Variants in POLD3 observed in about 807,000 individuals in gnomAD.
POLD3 encodes DNA polymerase delta subunit 3.
A neutral mutation model predicts 58.2 loss-of-function variants in POLD3; 19 were observed. That is an observed-to-expected ratio of 0.33 (90% confidence interval 0.23 to 0.48). POLD3 has a LOEUF of 0.48. Ranked by LOEUF, POLD3 falls within the 20% of genes least tolerant of loss-of-function variation. The pLI, the probability that POLD3 is intolerant of heterozygous loss-of-function variation, is 0.99. For synonymous variants in POLD3, 172 were observed against 193.5 expected (o/e 0.89, Z 0.92); for missense variants, 504 against 545.5 (o/e 0.92, Z 0.76).
At chr11:74,600,467 A>C (rs942244188) in intron 2 of POLD3, among the ~76,000 whole-genome samples, 1 of 151,668 alleles carries the variant, frequency 6.6e-6, no homozygotes, top group African/African-American at 2.4e-5. Flanking sequence ...GGCGCTACTG[A>C]AATACAAAAA....
chr11:74,619,980 G>A (rs1366300700), intron 6 of POLD3, 37 bp from the exon 7 acceptor site: 1 of 1,558,100 alleles, frequency 6.4e-7, no homozygotes, highest in Non-Finnish European at 8.9e-7. Context: ...CAGCCTAAAT[G>A]CCAGCAAAAA....
intron 4 of POLD3, among the ~76,000 whole-genome samples, chr11:74,662,604 C>A (rs1329674014): frequency 1.3e-5 from 2 of 151,902 alleles, no homozygotes; most frequent in Non-Finnish European, 2.9e-5. Flanking sequence ...CAGAAGGAAG[C>A]AGTCACTTTC....
chr11:74,655,224 C>G (rs765715416), intron 4 of POLD3, among the ~76,000 whole-genome samples: 6 of 152,240 alleles, frequency 3.9e-5, no homozygotes, highest in Non-Finnish European at 8.8e-5. Flanking sequence ...CACTAAGCAA[C>G]ACTGACATGG....
intron 4 of POLD3, among the ~76,000 whole-genome samples, chr11:74,659,462 A>C (rs2033179183): frequency 6.6e-6 from 1 of 152,080 alleles, no homozygotes. Flanking sequence ...GCCAGCTTGA[A>C]TTTCTCCCCA....
At position 74,653,985 on chromosome 11, in the gene POLD3, C is replaced by T. The variant is rs1028188718; in HGVS notation, c.370-14792C>T. On this transcript the variant is annotated intron_variant, in intron 4 of 4. Coordinates refer to the POLD3 transcript ENST00000524752. The stretch of plus-strand genomic sequence containing the variant: ...GAACAGGCATGTCACATGGCCAGAG[C>T]AGGAGCAAGAGAAAGAAGGGGAGGG... Among the ~76,000 whole-genome samples, 10 of 152,186 alleles carry T rather than the reference C, an allele frequency of 6.6e-5. No homozygotes were observed. In the South Asian group the frequency reaches 2.1e-3, roughly 32 times the overall value.
intron 4 of POLD3, among the ~76,000 whole-genome samples, chr11:74,664,672 TA>T (rs967896883): frequency 9.9e-5 from 15 of 152,160 alleles, no homozygotes; most frequent in African/African-American, 3.6e-4. Flanking sequence ...CAGTGACATA[TA>T]AAAAGGATTT....
intron 10 of POLD3, among the ~76,000 whole-genome samples, chr11:74,635,777 G>A (rs545327545): frequency 1.2e-4 from 19 of 152,174 alleles, no homozygotes; most frequent in Non-Finnish European, 2.8e-4. Context: ...TCCCTGGTGT[G>A]GTTTAGGGGC....
chr11:74,645,769 T>G (rs1402719042), downstream of POLD3, among the ~76,000 whole-genome samples: 1 of 152,140 alleles, frequency 6.6e-6, no homozygotes, highest in Admixed American at 6.6e-5. Context: ...TTTATTCCCA[T>G]TTTGCACATG....
In POLD3 at chr11:74,629,299, G is replaced by A. The variant is rs2032520901; in HGVS notation, c.982G>A (p.Glu328Lys). The change falls in exon 9 of 12, where the codon GAA becomes AAA. Residue 328 changes from glutamate (E) to lysine (K), a missense_variant. Glu to Lys is a moderately conservative substitution (Grantham distance 56, BLOSUM62 1). This residue lies in a region of POLD3 where 385 missense variants were observed against 370.5 expected (regional missense o/e 1.04). Coordinates refer to ENST00000263681, the MANE Select transcript of POLD3 (RefSeq NM_006591.3). The part of the protein sequence containing the change: ...RKKRRRIKLP[E>K]SDSSEDEVFP... Reference sequence around the variant, plus strand: ...AAAGAGGAGAAGAATCAAACTTCCTGAATCTGATAGCAGTGAAGATGAAGG... The same window carrying A: ...AAAGAGGAGAAGAATCAAACTTCCTAAATCTGATAGCAGTGAAGATGAAGG... The A allele has an allele frequency of 6.2e-7, 1 of 1,604,358 alleles. No individual in the cohort carries two copies. Among genetic ancestry groups the A allele is most frequent in the Non-Finnish European group, 8.5e-7 (1 of 1,172,912 alleles).
intron 9 of POLD3, among the ~76,000 whole-genome samples, chr11:74,632,877 T>TACACACACACACACACACACACACACAC (rs71036003): frequency 1.7e-4 from 20 of 115,766 alleles, no homozygotes; most frequent in East Asian, 5.2e-4. Context: ...TTTAAGTAAA[T>TACACACACACACACACACACACACACAC]ACACACACAC....
chr11:74,605,844 G>A (rs2031655562), intron 3 of POLD3, among the ~76,000 whole-genome samples: 1 of 152,194 alleles, frequency 6.6e-6, no homozygotes, highest in Admixed American at 6.5e-5. Flanking sequence ...AGCCCTTTGG[G>A]AAGCTGGGTT....
At chr11:74,650,109 A>T (rs1217566886) in intron 4 of POLD3, among the ~76,000 whole-genome samples, 1 of 152,168 alleles carries the variant, frequency 6.6e-6, no homozygotes, top group East Asian at 1.9e-4. Flanking sequence ...TAAAGTGCCC[A>T]GTTTATAGTG....
At chr11:74,647,988 G>A (rs1215030169), downstream of POLD3, among the ~76,000 whole-genome samples, 1 of 152,156 alleles carries the variant, frequency 6.6e-6, no homozygotes, top group Non-Finnish European at 1.5e-5. Flanking sequence ...CATGAAGACA[G>A]GAAGGCTCGG....
At chr11:74,637,042 G>C (rs2032769261) in intron 11 of POLD3, among the ~76,000 whole-genome samples, 1 of 152,176 alleles carries the variant, frequency 6.6e-6, no homozygotes, top group South Asian at 2.1e-4. Flanking sequence ...GAAAAGAGTT[G>C]TGGGTTTAGG....
intron 4 of POLD3, among the ~76,000 whole-genome samples, chr11:74,655,236 C>T (rs952454123): frequency 4.6e-5 from 7 of 152,242 alleles, no homozygotes; most frequent in African/African-American, 1.4e-4. Flanking sequence ...CTGACATGGG[C>T]GTAAGCCCTT....
intron 2 of POLD3, among the ~76,000 whole-genome samples, chr11:74,604,356 GT>G (rs898162494): frequency 2.1e-4 from 32 of 152,186 alleles, no homozygotes; most frequent in African/African-American, 7.5e-4. Flanking sequence ...AGCTTAGACA[GT>G]TACCAAACTA....
intron 3 of POLD3, 116 bp downstream of exon 3, chr11:74,604,910 G>A: frequency 1.6e-6 from 1 of 607,588 alleles, no homozygotes; most frequent in African/African-American, 1.9e-5. Flanking sequence ...GTTTTAAAGA[G>A]CTACTTGATG....
At chr11:74,632,936 T>C (rs1273783895) in intron 9 of POLD3, among the ~76,000 whole-genome samples, 1 of 77,560 alleles carries the variant, frequency 1.3e-5, no homozygotes, top group African/African-American at 9.9e-5. Flanking sequence ...ACACACACAG[T>C]TACTCTATGT....
rs1309698171 is a variant in POLD3, at chr11:74,641,374, TG to T, written c.*610del. 1 of 985,318 alleles carries T rather than the reference TG, an allele frequency of 1.0e-6. No individual in the cohort carries two copies. Among genetic ancestry groups the T allele is most frequent in the Non-Finnish European group, 1.2e-6 (1 of 829,946 alleles). The allele number at this position is 985,318 out of a possible 1,614,324, so 61.0% of individuals were successfully genotyped here. A position where few individuals can be genotyped will look rare whatever the true frequency, so the allele number is the denominator to read the frequency against. On this transcript the variant is annotated 3_prime_UTR_variant, in exon 12 of 12. Coordinates refer to ENST00000263681, the MANE Select transcript of POLD3 (RefSeq NM_006591.3). Reference sequence around the variant, plus strand: ...GGACACCTGGCTACAGACCAGGACGTGGCTTGTGTTCTGTTCCTTTCACAAA... The same window carrying T: ...GGACACCTGGCTACAGACCAGGACGTGCTTGTGTTCTGTTCCTTTCACAAA...
Sources: gnomAD v4.1 joint callset for allele counts (sites outside exome capture counted in the v4.1 genomes callset) on GRCh38, gnomAD v4.1.1 for gene constraint, gnomAD v4.1.1 regional missense constraint, MANE v1.5 for transcripts, NCBI Gene and HGNC (gene_info 2026-07-23, HGNC 2026-07-21) for gene names.